The following PTPRD variants were observed in gnomAD, a reference collection of about 807,000 sequenced individuals.
The protein encoded by PTPRD is receptor-type tyrosine-protein phosphatase delta.
Under a neutral mutation model 214.5 loss-of-function variants are expected in PTPRD, and 34 were observed. The ratio of observed to expected loss-of-function variants is 0.16; its 90% confidence interval spans 0.12 to 0.21. The LOEUF is 0.21. Ranked by LOEUF, PTPRD falls within the 10% of genes least tolerant of loss-of-function variation. PTPRD has a pLI of 1.00. For missense variants in PTPRD, 2,545 were observed against 2,398.7 expected (o/e 1.06, Z -1.27); for synonymous variants, 1,128 against 845.7 (o/e 1.33, Z -5.79).
intron 7 of PTPRD, among the ~76,000 whole-genome samples, chr9:9,601,300 C>G (rs2093750611): frequency 6.6e-6 from 1 of 151,934 alleles, no homozygotes; most frequent in African/African-American, 2.4e-5. Context: ...TTTAAACTTG[C>G]AGTTCAAGCT....
rs1011242660 is a variant in PTPRD at position 9,931,395 on chromosome 9, G to A, written c.-368+7112C>T. ...CACCGTGCGTGAGCCGAAGCAGGGC[G>A]AGGCATTGCCTCACTCCAGAAGTGC... On this transcript the variant is annotated intron_variant, in intron 5 of 45. Coordinates refer to ENST00000381196, the MANE Select transcript of PTPRD (RefSeq NM_002839.4). 9.8e-5 allele frequency among the ~76,000 whole-genome samples: 15 copies of A among 152,302 alleles called. 1 individual carries two copies. The highest frequency in any genetic ancestry group is 3.3e-4 in the Admixed American group (5 of 15,300).
chr9:9,440,462 G>A (rs1485325572), intron 8 of PTPRD, among the ~76,000 whole-genome samples: 1 of 152,190 alleles, frequency 6.6e-6, no homozygotes, highest in Non-Finnish European at 1.5e-5. Flanking sequence ...ACAGTACAAA[G>A]AGGGTGTCTA....
At chr9:8,578,557 T>G (rs2092716903) in intron 14 of PTPRD, among the ~76,000 whole-genome samples, 1 of 152,170 alleles carries the variant, frequency 6.6e-6, no homozygotes, top group Non-Finnish European at 1.5e-5. Flanking sequence ...ACCTATATGT[T>G]AAGAGAGTGC....
In PTPRD at chr9:10,204,316, G is replaced by C. The variant is rs185637904; in HGVS notation, c.-545+136647C>G. On this transcript the variant is annotated intron_variant, in intron 3 of 45. Coordinates refer to ENST00000381196, the MANE Select transcript of PTPRD (RefSeq NM_002839.4). ...CAGTTTTGGTCAACTCTGTCTCAGA[G>C]TATCTGTTCCACACCATGACAGTTT... is the stretch of plus-strand genomic sequence containing the variant. Among the ~76,000 whole-genome samples, 3 of 152,214 alleles carry C rather than the reference G, an allele frequency of 2.0e-5. No homozygotes were observed. The East Asian group carries it at 5.8e-4, about 29-fold the overall frequency.
chr9:9,195,262 G>A (rs1345717912), intron 9 of PTPRD, among the ~76,000 whole-genome samples: 1 of 151,930 alleles, frequency 6.6e-6, no homozygotes, highest in African/African-American at 2.4e-5. Context: ...ATTTCAGCAT[G>A]CTGTTTACAT....
intron 8 of PTPRD, among the ~76,000 whole-genome samples, chr9:9,398,584 A>G (rs539076770): frequency 1.6e-4 from 25 of 152,200 alleles, no homozygotes; most frequent in Middle Eastern, 3.4e-3. Context: ...CCCTATGAAC[A>G]AAACTTCTTA....
rs1057246205 is a variant in PTPRD, at chr9:10,449,859, G to A, written c.-599-108842C>T. Among the ~76,000 whole-genome samples the A allele has an allele frequency of 3.3e-4, 50 of 151,752 alleles. 2 individuals carry two copies. The highest frequency in any genetic ancestry group is 1.1e-3 in the African/African-American group (46 of 41,042). On this transcript the variant is annotated intron_variant, in intron 2 of 45. Transcript: ENST00000381196. ...GATTGTTACTGTGTCTGTATAGAAA[G>A]AAGTAGACATAGGAGACTCCATTTT...
chr9:8,538,568 G>A (rs1477875516), intron 14 of PTPRD, among the ~76,000 whole-genome samples: 1 of 151,220 alleles, frequency 6.6e-6, no homozygotes, highest in African/African-American at 2.4e-5. Context: ...GTGTAGTGTT[G>A]GATTGGAACT....
intron 2 of PTPRD, among the ~76,000 whole-genome samples, chr9:10,428,338 T>C (rs943290624): frequency 2.0e-5 from 3 of 152,006 alleles, no homozygotes; most frequent in African/African-American, 7.2e-5. Flanking sequence ...CAGAATTTCT[T>C]TTATTTCTTT....
chr9:8,995,859 T>A (rs2099394589), intron 11 of PTPRD, among the ~76,000 whole-genome samples: 2 of 152,090 alleles, frequency 1.3e-5, no homozygotes, highest in African/African-American at 4.8e-5. Context: ...TGACACAATG[T>A]GACATTACAG....
intron 3 of PTPRD, among the ~76,000 whole-genome samples, chr9:10,326,663 A>T (rs2096648668): frequency 1.3e-5 from 2 of 151,564 alleles, no homozygotes; most frequent in Admixed American, 1.3e-4. Context: ...TACATTTTTG[A>T]AAATGTGAAG....
intron 12 of PTPRD, among the ~76,000 whole-genome samples, chr9:8,686,462 C>A (rs1277378461): frequency 6.6e-6 from 1 of 152,158 alleles, no homozygotes; most frequent in Admixed American, 6.5e-5. Flanking sequence ...TGTTCTAATT[C>A]TCACCAGAAG....
chr9:9,457,921 C>A (rs1390492316), intron 8 of PTPRD, among the ~76,000 whole-genome samples: 1 of 151,976 alleles, frequency 6.6e-6, no homozygotes, highest in African/African-American at 2.4e-5. Context: ...TGTTTCCCGT[C>A]TAACATTGTC....
chr9:9,915,587 TTAAAAAAATAC>T (rs1412965474), intron 5 of PTPRD, among the ~76,000 whole-genome samples: 1 of 147,714 alleles, frequency 6.8e-6, no homozygotes, highest in African/African-American at 2.5e-5. Context: ...TTCAATTAAT[TTAAAAAAATAC>T]TATTGAGAAC....
chr9:8,686,684 C>T (rs1270224528), intron 12 of PTPRD, among the ~76,000 whole-genome samples: 1 of 152,052 alleles, frequency 6.6e-6, no homozygotes, highest in East Asian at 1.9e-4. Flanking sequence ...AGAAACTTGG[C>T]TCTACCAAGC....
At chr9:8,973,860 C>G (rs2099253259) in intron 11 of PTPRD, among the ~76,000 whole-genome samples, 1 of 152,012 alleles carries the variant, frequency 6.6e-6, no homozygotes, top group Non-Finnish European at 1.5e-5. Flanking sequence ...GCTTGTATGT[C>G]TTCTTTTAAG....
intron 3 of PTPRD, among the ~76,000 whole-genome samples, chr9:10,117,213 C>T (rs570430563): frequency 2.6e-5 from 4 of 152,148 alleles, no homozygotes; most frequent in African/African-American, 7.2e-5. Context: ...ACTTTCAACA[C>T]GGCAAGAAAA....
At chr9:10,179,996 C>T (rs1212690916) in intron 3 of PTPRD, among the ~76,000 whole-genome samples, 1 of 151,904 alleles carries the variant, frequency 6.6e-6, no homozygotes, top group Non-Finnish European at 1.5e-5. Context: ...TAAGATATGA[C>T]AACATATGAT....
chr9:8,940,280 C>CTTTGT (rs1555558785), intron 11 of PTPRD, among the ~76,000 whole-genome samples: 1 of 89,054 alleles, frequency 1.1e-5, no homozygotes, highest in African/African-American at 4.4e-5. Context: ...TCTCTCTCTC[C>CTTTGT]TTTTTTTTTT....
Sources: allele counts gnomAD v4.1 joint callset (sites outside exome capture counted in the v4.1 genomes callset), GRCh38; gene constraint gnomAD v4.1.1; transcripts MANE v1.5; gene names NCBI Gene and HGNC (gene_info 2026-07-23, HGNC 2026-07-21).